The following NSUN4 variants were observed in gnomAD, a reference collection of about 807,000 sequenced individuals.
NSUN4 encodes 5-cytosine rRNA methyltransferase NSUN4.
A neutral mutation model predicts 43.8 loss-of-function variants in NSUN4; 31 were observed. The ratio of observed to expected loss-of-function variants is 0.71; its 90% CI spans 0.53 to 0.96. The LOEUF is 0.96. Ranked by LOEUF, NSUN4 falls within the 40% of genes least tolerant of loss-of-function variation. The probability of loss-of-function intolerance (pLI) is 0.00; values close to 1 mark genes in which losing one functional copy is unlikely to be tolerated. For missense variants in NSUN4, 439 were observed against 475.6 expected (o/e 0.92, Z 0.72); for synonymous variants, 167 against 184.1 (o/e 0.91, Z 0.75).
rs138408069 is a variant in NSUN4, at chr1:46,347,029, A to G, written c.546A>G (p.Ala182=). The G allele has an allele frequency of 7.0e-5, 113 of 1,614,078 alleles. No individual in the cohort carries two copies. Among genetic ancestry groups the G allele is most frequent in the Non-Finnish European group, 8.5e-5 (100 of 1,180,032 alleles). ...GGGACATCGTGCTTGACCTATGTGCAGCTCCTGGGGGAAAGACACTAGCGT... is the reference window on the plus strand; with the variant it reads ...GGGACATCGTGCTTGACCTATGTGCGGCTCCTGGGGGAAAGACACTAGCGT... ...QPGDIVLDLC[A]APGGKTLALL... is the part of the protein sequence containing the mutation. Residue 182 remains alanine, a synonymous_variant, in exon 3 of 6, where the codon GCA becomes GCG. Transcript: ENST00000474844.
Position 46,362,948 on chromosome 1 carries a change from AT to A in NSUN4, c.*1104del, listed in dbSNP as rs1463970699. 6.6e-6 allele frequency: 1 copy of A among 151,944 alleles called. No homozygotes were observed. The highest frequency in any genetic ancestry group is 1.5e-5 in the Non-Finnish European group (1 of 68,000). 9.4% of individuals were successfully genotyped at this position (151,944 alleles called of 1,614,324 possible). ...ACCTTTAGTGGCAGGGATATAAAAAATTGCTCAGGGTCACTTGCAGATATTT... is the reference window on the plus strand; with the variant it reads ...ACCTTTAGTGGCAGGGATATAAAAAATGCTCAGGGTCACTTGCAGATATTT... On this transcript the variant is annotated 3_prime_UTR_variant, in exon 6 of 6. Coordinates refer to ENST00000474844, the MANE Select transcript of NSUN4 (RefSeq NM_199044.4).
At chr1:46,341,900 C>T (rs1481160058) in intron 1 of NSUN4, 2 of 1,233,004 alleles carry the variant, frequency 1.6e-6, no homozygotes, top group African/African-American at 3.1e-5. Context: ...ATCTCTGTTA[C>T]TCTAGCGGAT....
intron 3 of NSUN4, among the ~76,000 whole-genome samples, chr1:46,348,640 T>C (rs544617434): frequency 7.3e-6 from 1 of 136,938 alleles, no homozygotes; most frequent in African/African-American, 2.8e-5. Context: ...ACCTGGGAGA[T>C]GGAGGTTGCA....
downstream of NSUN4, among the ~76,000 whole-genome samples, chr1:46,366,134 AAAT>A (rs1488556392): frequency 6.6e-6 from 1 of 152,222 alleles, no homozygotes; most frequent in African/African-American, 2.4e-5. Context: ...TCTCAAAAAT[AAAT>A]AATAAATAAA....
At chr1:46,384,168 A>G in the NSUN4 span, among the ~76,000 whole-genome samples, 1 of 152,236 alleles carries the variant, frequency 6.6e-6, no homozygotes, top group Admixed American at 6.5e-5. Flanking sequence ...TTGCTTTACA[A>G]GGAAGTTAAG....
Position 46,361,882 on chromosome 1 carries a change from A to G in NSUN4, c.*36A>G, listed in dbSNP as rs959982324. 1.3e-6 allele frequency: 2 copies of G among 1,580,116 alleles called. No homozygotes were observed. Among genetic ancestry groups the G allele is most frequent in the Non-Finnish European group, 8.6e-7 (1 of 1,160,024 alleles). ...TCCCTGAAGCAAGAATACAAAGGGT[A>G]TACTCTGTTGGATGCACCAGAAACT... On this transcript the variant is annotated 3_prime_UTR_variant, in exon 6 of 6. Transcript: ENST00000474844.
chr1:46,347,366 A>G (rs1662590061), intron 3 of NSUN4, among the ~76,000 whole-genome samples: 1 of 152,082 alleles, frequency 6.6e-6, no homozygotes, highest in African/African-American at 2.4e-5. Flanking sequence ...TGAACCCGGG[A>G]AGTGGAGGTT....
chr1:46,352,170 G>T (rs925543458), intron 3 of NSUN4, among the ~76,000 whole-genome samples: 2 of 149,986 alleles, frequency 1.3e-5, no homozygotes, highest in Non-Finnish European at 3.0e-5. Context: ...AAAGAATGTG[G>T]CTGGGTGCAG....
chr1:46,377,239 G>A, the NSUN4 span, among the ~76,000 whole-genome samples: 1 of 151,920 alleles, frequency 6.6e-6, no homozygotes, highest in Non-Finnish European at 1.5e-5. Flanking sequence ...TAGTAGAGAC[G>A]GGGTTTCACC....
chr1:46,358,391 T>C (rs1569764794), intron 4 of NSUN4, among the ~76,000 whole-genome samples: 2 of 142,672 alleles, frequency 1.4e-5, no homozygotes, highest in Admixed American at 7.5e-5. Context: ...CTACTGCTCC[T>C]GGCCTAATTT....
the NSUN4 span, among the ~76,000 whole-genome samples, chr1:46,383,977 T>C: frequency 3.9e-5 from 6 of 152,090 alleles, no homozygotes; most frequent in Non-Finnish European, 7.4e-5. Flanking sequence ...TTGGCTAGGG[T>C]TAGACTGCAC....
At chr1:46,367,604 A>G (rs1158043555), downstream of NSUN4, among the ~76,000 whole-genome samples, 7 of 152,176 alleles carry the variant, frequency 4.6e-5, no homozygotes, top group East Asian at 1.3e-3. Flanking sequence ...GGTGTTAGAC[A>G]GCAATCTTTT....
At chr1:46,375,461 C>G in the NSUN4 span, among the ~76,000 whole-genome samples, 4 of 148,452 alleles carry the variant, frequency 2.7e-5, no homozygotes, top group Admixed American at 6.7e-5. Flanking sequence ...GGGCCGAGTG[C>G]AATGGCTCAC....
At chr1:46,380,175 A>G in the NSUN4 span, among the ~76,000 whole-genome samples, 2 of 152,116 alleles carry the variant, frequency 1.3e-5, no homozygotes, top group African/African-American at 4.8e-5. Context: ...TCTCCCTTGG[A>G]CAGCCCTGCC....
chr1:46,358,029 C>T (rs6659448), intron 4 of NSUN4, among the ~76,000 whole-genome samples: 34,098 of 152,166 alleles, frequency 0.22, 4,293 homozygotes, highest in Non-Finnish European at 0.29. Context: ...ATTCTTGTGC[C>T]TCAGCCTCCC....
intron 1 of NSUN4, chr1:46,342,051 A>T: frequency 1.1e-6 from 1 of 901,612 alleles, no homozygotes; most frequent in Non-Finnish European, 1.5e-6. Context: ...TCCTACACAT[A>T]GGACCCCGGG....
Position 46,362,061 on chromosome 1 carries a change from T to C in NSUN4, c.*215T>C. On this transcript the variant is annotated 3_prime_UTR_variant, in exon 6 of 6. Coordinates refer to ENST00000474844, the MANE Select transcript of NSUN4 (RefSeq NM_199044.4). Reference sequence around the variant, plus strand: ...GGTTTCCAACTCACTCATTAACCCCTACCCCATCTCCAGGCCTGTACTAAA... The same window carrying C: ...GGTTTCCAACTCACTCATTAACCCCCACCCCATCTCCAGGCCTGTACTAAA... The C allele has an allele frequency of 1.7e-6, 1 of 582,124 alleles. No homozygotes were observed. Among genetic ancestry groups the C allele is most frequent in the African/African-American group, 1.9e-5 (1 of 53,656 alleles). 36.1% of individuals were successfully genotyped at this position (582,124 alleles called of 1,614,324 possible).
intron 3 of NSUN4, 127 bp downstream of exon 3, chr1:46,347,202 C>G: frequency 1.0e-6 from 1 of 971,406 alleles, no homozygotes; most frequent in Non-Finnish European, 1.5e-6. Flanking sequence ...CTTTGGGAAG[C>G]CGAGGGAGGC....
rs888876612 is a variant in NSUN4, at chr1:46,341,683, C to T, written c.93+764C>T. On this transcript the variant is annotated intron_variant, in intron 1 of 5. Coordinates refer to ENST00000474844, the MANE Select transcript of NSUN4 (RefSeq NM_199044.4). ...CCTTCCTCGCACTCAGGGAGATGGT[C>T]TTTTGAGTCCTCTTCCCCACTCCTG... 3 of 1,228,492 alleles carry T rather than the reference C, an allele frequency of 2.4e-6. No individual in the cohort carries two copies. The African/African-American group carries it at 4.7e-5, about 19-fold the overall frequency. 76.1% of individuals were successfully genotyped at this position (1,228,492 alleles called of 1,614,324 possible). A position where few individuals can be genotyped will look rare whatever the true frequency, so the allele number is the denominator to read the frequency against.
Sources: gnomAD v4.1 joint callset for allele counts (sites outside exome capture counted in the v4.1 genomes callset) on GRCh38, gnomAD v4.1.1 for gene constraint, MANE v1.5 for transcripts, NCBI Gene and HGNC (gene_info 2026-07-23, HGNC 2026-07-21) for gene names.